The following ZSCAN18 variants were observed in gnomAD, a reference collection of about 807,000 sequenced individuals.
ZSCAN18 encodes the protein zinc finger and SCAN domain-containing protein 18.
A neutral mutation model predicts 31.1 loss-of-function variants in ZSCAN18; 16 were observed. The ratio of observed to expected loss-of-function variants is 0.51; its 90% CI spans 0.35 to 0.78. The LOEUF (loss-of-function observed/expected upper bound fraction) is 0.78. ZSCAN18 is among the 30% of genes least tolerant of loss of function. The pLI is 0.01. For synonymous variants in ZSCAN18, 375 were observed against 320.7 expected (o/e 1.17, Z -1.81); for missense variants, 731 against 697.4 (o/e 1.05, Z -0.54).
chr19:58,093,708 T>C (rs1324403536), intron 1 of ZSCAN18, among the ~76,000 whole-genome samples: 1 of 152,198 alleles, frequency 6.6e-6, no homozygotes, highest in Non-Finnish European at 1.5e-5. Flanking sequence ...GCTTGTCTTT[T>C]CACTCCACGC....
At chr19:58,097,895 G>C in intron 1 of ZSCAN18, 2 of 962,058 alleles carry the variant, frequency 2.1e-6, no homozygotes, top group Non-Finnish European at 1.2e-6. Flanking sequence ...CCCTCCACGA[G>C]CCTACACGGG....
At chr19:58,104,936 A>G (rs988579975) in intron 1 of ZSCAN18, among the ~76,000 whole-genome samples, 8 of 152,336 alleles carry the variant, frequency 5.3e-5, no homozygotes, top group African/African-American at 1.7e-4. Context: ...TTCTGTTGGA[A>G]GAAATGCCAG....
intron 3 of ZSCAN18, 188 bp downstream of exon 3, chr19:58,088,500 T>A: frequency 1.7e-6 from 1 of 582,168 alleles, no homozygotes; most frequent in Non-Finnish European, 3.0e-6. Context: ...ATCTGCATAA[T>A]CTCTGAAGAC....
chr19:58,118,277 C>A (rs1395367425), exon 1 of ZSCAN18: 65 of 1,483,150 alleles, frequency 4.4e-5, no homozygotes, highest in Non-Finnish European at 5.8e-5. Flanking sequence ...CCTCACTAGG[C>A]CTTGGCTCCG....
At chr19:58,118,052 T>C (rs1202537900) in intron 1 of ZSCAN18, among the ~76,000 whole-genome samples, 1 of 151,774 alleles carries the variant, frequency 6.6e-6, no homozygotes. Context: ...GGCGAGGAGA[T>C]GCGCGTACCA....
At chr19:58,096,433 C>A (rs533115289) in intron 1 of ZSCAN18, among the ~76,000 whole-genome samples, 1 of 152,332 alleles carries the variant, frequency 6.6e-6, no homozygotes, top group African/African-American at 2.4e-5. Context: ...TTGAGCCAGT[C>A]CTGTAGGCTT....
At chr19:58,099,556 T>C (rs1046688919), upstream of ZSCAN18, among the ~76,000 whole-genome samples, 2 of 152,222 alleles carry the variant, frequency 1.3e-5, no homozygotes, top group East Asian at 1.9e-4. Flanking sequence ...TGAACATTCG[T>C]GTACAGATTT....
In ZSCAN18 at chr19:58,090,177, G is replaced by T. The variant is rs1403756016; in HGVS notation, c.91C>A (p.Gln31Lys). 1 of 1,613,766 alleles carries T rather than the reference G, an allele frequency of 6.2e-7. No homozygotes were observed. The highest frequency in any genetic ancestry group is 1.3e-5 in the African/African-American group (1 of 75,062). ...TCAGGGATGGTCTCGGGTTCTTCCT[G>T]CTGGACTCCGGCTGCTGACCCCGGC... ...PTPGSAAGVQ[Q>K]EEPETIPERT... Residue 31 changes from glutamine (Q) to lysine (K), a missense_variant, in exon 2 of 7, where the codon CAG (glutamine) becomes AAG (lysine). By Grantham distance (53) the Gln-to-Lys change is moderately conservative (BLOSUM62 1). This residue lies in a region of ZSCAN18 where 86 missense variants were observed against 119.1 expected (regional missense o/e 0.72). Coordinates refer to ENST00000601144, the MANE Select transcript of ZSCAN18 (RefSeq NM_001145543.2). This position sits in a 1 kb window ranked among gnomAD's most constrained non-coding sequence, Gnocchi z 4.7.
intron 1 of ZSCAN18, among the ~76,000 whole-genome samples, chr19:58,114,155 C>T (rs1358745455): frequency 6.6e-6 from 1 of 152,014 alleles, no homozygotes; most frequent in Admixed American, 6.6e-5. Flanking sequence ...ATAGTCCCAG[C>T]TACTTGGGAG....
In ZSCAN18 at chr19:58,090,318, G is replaced by C; in HGVS notation, c.-51C>G. 2.5e-6 allele frequency: 4 copies of C among 1,612,496 alleles called. No homozygotes were observed. Among genetic ancestry groups the C allele is most frequent in the Non-Finnish European group, 3.4e-6 (4 of 1,179,334 alleles). On this transcript the variant is annotated 5_prime_UTR_variant, in exon 2 of 7. Coordinates refer to ENST00000601144, the MANE Select transcript of ZSCAN18 (RefSeq NM_001145543.2). The surrounding 1 kb of genome is among the most constrained non-coding windows in gnomAD (Gnocchi z 4.7). ...TGACTGTCTAGCCAGGGACAAGGTG[G>C]CTCCAAAGGAGAGGTGCCAGGGATG...
chr19:58,117,382 G>A (rs570540483), intron 1 of ZSCAN18, among the ~76,000 whole-genome samples: 1 of 152,242 alleles, frequency 6.6e-6, no homozygotes, highest in African/African-American at 2.4e-5. Flanking sequence ...GGGAAGGGAG[G>A]AAGGGCAAGT....
rs35453706 is a variant in ZSCAN18 at position 58,087,636 on chromosome 19, C to CTT, written c.554-234_554-233dup. Reference sequence around the variant, plus strand: ...TCAAGTCCACTGGATTCATGGAAATCTTTTTTTTTTTTGGTTTGTTTGTTT... The same window carrying CTT: ...TCAAGTCCACTGGATTCATGGAAATCTTTTTTTTTTTTTTGGTTTGTTTGTTT... On this transcript the variant is annotated intron_variant, in intron 3 of 6. Transcript: ENST00000601144. 1.1e-3 allele frequency: 467 copies of CTT among 421,398 alleles called. 1 individual carries two copies. Among genetic ancestry groups the CTT allele is most frequent in the East Asian group, 2.6e-3 (61 of 23,216 alleles). The allele number at this position is 421,398 out of a possible 1,614,324, so 26.1% of individuals were successfully genotyped here. A position where few individuals can be genotyped will look rare whatever the true frequency, so the allele number is the denominator to read the frequency against.
In ZSCAN18 at chr19:58,118,335, G is replaced by C. The variant is rs1362259323; in HGVS notation, c.62C>G (p.Pro21Arg). The change falls in exon 1 of 2, where the codon CCT (proline) becomes CGT (arginine). Residue 21 changes from proline to arginine, a missense_variant. Physicochemically the swap from Pro to Arg is moderately radical, Grantham distance 103. Transcript: ENST00000595721. ...GAAACAGACCCGAGAGGCCGCGAGA[G>C]GACGGAACTCACTTCCCGCCGCCGT... The C allele has an allele frequency of 5.2e-6, 8 of 1,532,958 alleles. No homozygotes were observed. The Admixed American group carries it at 1.2e-4, about 23-fold the overall frequency. 95.0% of individuals were successfully genotyped at this position (1,532,958 alleles called of 1,614,324 possible).
upstream of ZSCAN18, chr19:58,118,401 G>C (rs936220604): frequency 2.0e-6 from 3 of 1,509,912 alleles, no homozygotes; most frequent in Admixed American, 2.1e-5. Flanking sequence ...CCGCATGGGC[G>C]CGCAGAGTTC....
rs2074391045 is a variant in ZSCAN18, at chr19:58,090,585, A to G, written c.-119-199T>C. 1 of 486,230 alleles carries G rather than the reference A, an allele frequency of 2.1e-6. No individual in the cohort carries two copies. Among genetic ancestry groups the G allele is most frequent in the East Asian group, 3.3e-5 (1 of 30,500 alleles). 30.1% of individuals were successfully genotyped at this position (486,230 alleles called of 1,614,324 possible). A position where few individuals can be genotyped will look rare whatever the true frequency, so the allele number is the denominator to read the frequency against. ...AAATGGAGGGTAACTCATTCTGTGC[A>G]TTACCAGAATTTTTTTTTCTTTGAG... On this transcript the variant is annotated intron_variant, in intron 1 of 6. Transcript: ENST00000601144. The surrounding 1 kb of genome is among the most constrained non-coding windows in gnomAD (Gnocchi z 4.7).
In ZSCAN18 at chr19:58,112,061, GTCTTAC is replaced by G. The variant is rs1276587150; in HGVS notation, c.130+6200_130+6205del. Among the ~76,000 whole-genome samples the G allele has an allele frequency of 3.3e-5, 5 of 151,986 alleles. No homozygotes were observed. In the East Asian group the frequency reaches 9.7e-4, roughly 29 times the overall value. On this transcript the variant is annotated intron_variant, in intron 1 of 1. Coordinates refer to the ZSCAN18 transcript ENST00000595721. Reference sequence around the variant, plus strand: ...TTTACTTTTTTGTTTTTGAGACCAGGTCTTACTCTGTGACCCAGGCTGGAGTGCAGT... The same window carrying G: ...TTTACTTTTTTGTTTTTGAGACCAGGTCTGTGACCCAGGCTGGAGTGCAGT...
intron 1 of ZSCAN18, among the ~76,000 whole-genome samples, chr19:58,095,666 G>C (rs2074506614): frequency 6.6e-6 from 1 of 152,196 alleles, no homozygotes; most frequent in African/African-American, 2.4e-5. Flanking sequence ...GGGGCGGGAT[G>C]ACGTGGGGAG....
intron 1 of ZSCAN18, among the ~76,000 whole-genome samples, chr19:58,113,688 T>C (rs982351430): frequency 1.3e-5 from 2 of 152,202 alleles, no homozygotes; most frequent in East Asian, 3.9e-4. Context: ...TCAAAAATAA[T>C]ACCATAATGG....
intron 1 of ZSCAN18, among the ~76,000 whole-genome samples, chr19:58,091,525 G>A (rs994451659): frequency 7.3e-6 from 1 of 136,576 alleles, no homozygotes; most frequent in South Asian, 2.8e-4. Flanking sequence ...AAGTACCCAG[G>A]AGCAAGGACA....
Sources: gnomAD v4.1 joint callset for allele counts (sites outside exome capture counted in the v4.1 genomes callset) on GRCh38, gnomAD v4.1.1 for gene constraint, gnomAD v4.1.1 regional missense constraint, Gnocchi (gnomAD v3.1) non-coding constraint, MANE v1.5 for transcripts, NCBI Gene and HGNC (gene_info 2026-07-23, HGNC 2026-07-21) for gene names.